The following GRM5 variants were observed in gnomAD, a reference collection of about 807,000 sequenced individuals.
The protein encoded by GRM5 is glutamate metabotropic receptor 5, also known as metabotropic glutamate receptor 5.
GRM5 carries 19 observed loss-of-function variants against 83.1 expected under a neutral mutation model. The observed-to-expected ratio is 0.23, with a 90% confidence interval of 0.16 to 0.34. GRM5 has a LOEUF of 0.34. Ranked by LOEUF, GRM5 falls within the 10% of genes least tolerant of loss-of-function variation. The pLI is 1.00. For missense variants in GRM5, 1,160 were observed against 1,588.3 expected, an observed-to-expected ratio of 0.73 and a Z score of 4.58; for synonymous variants, 675 against 633.6, an observed-to-expected ratio of 1.07 and a Z score of -0.98.
chr11:88,669,563 TAGATATACTACAGA>T (rs1940140593), intron 3 of GRM5, among the ~76,000 whole-genome samples: 4 of 152,076 alleles, frequency 2.6e-5, no homozygotes, highest in African/African-American at 9.6e-5. Flanking sequence ...AAATAATCTA[TAGATATACTACAGA>T]TACACTATTA....
chr11:88,884,998 T>C (rs1945018385), intron 2 of GRM5, among the ~76,000 whole-genome samples: 1 of 152,178 alleles, frequency 6.6e-6, no homozygotes, highest in East Asian at 1.9e-4. Context: ...TTTCCACATT[T>C]CAAAATTTCC....
intron 9 of GRM5, among the ~76,000 whole-genome samples, chr11:88,522,601 C>CTGTGTGTGTG (rs1228808793): frequency 3.2e-5 from 3 of 93,604 alleles, no homozygotes; most frequent in East Asian, 6.4e-4. Context: ...CTCTCTCTCT[C>CTGTGTGTGTG]TCTGTGTGTG....
intron 2 of GRM5, among the ~76,000 whole-genome samples, chr11:88,965,720 T>G (rs894034764): frequency 6.6e-6 from 1 of 152,088 alleles, no homozygotes; most frequent in Non-Finnish European, 1.5e-5. Context: ...AATCTTAATT[T>G]GGTATGTAGC....
chr11:88,874,577 A>G (rs1291790968), intron 2 of GRM5, among the ~76,000 whole-genome samples: 2 of 151,978 alleles, frequency 1.3e-5, no homozygotes, highest in African/African-American at 2.4e-5. Flanking sequence ...ACAAAATAAA[A>G]AGTAAACAAA....
At chr11:89,009,118 A>T in intron 2 of GRM5, 1 of 719,754 alleles carries the variant, frequency 1.4e-6, no homozygotes, top group Non-Finnish European at 2.6e-6. Flanking sequence ...AAAATAAAAA[A>T]CCTTAAGATG....
intron 3 of GRM5, among the ~76,000 whole-genome samples, chr11:88,842,974 C>T (rs1311094902): frequency 6.6e-6 from 1 of 152,180 alleles, no homozygotes; most frequent in African/African-American, 2.4e-5. Context: ...AGTAAAGGTA[C>T]TATCATTCCT....
chr11:88,652,427 A>G (rs1939655654), intron 4 of GRM5, among the ~76,000 whole-genome samples: 1 of 152,078 alleles, frequency 6.6e-6, no homozygotes, highest in Non-Finnish European at 1.5e-5. Flanking sequence ...ACATGTTACA[A>G]ATAATATTAA....
At chr11:88,773,931 G>A (rs891242966) in intron 3 of GRM5, among the ~76,000 whole-genome samples, 7 of 152,150 alleles carry the variant, frequency 4.6e-5, no homozygotes, top group Non-Finnish European at 8.8e-5. Flanking sequence ...TCTTGGCAAT[G>A]AAGGCTCTTT....
chr11:88,625,315 G>C (rs1326939709), intron 4 of GRM5, among the ~76,000 whole-genome samples: 2 of 152,052 alleles, frequency 1.3e-5, no homozygotes, highest in Non-Finnish European at 2.9e-5. Flanking sequence ...AGTGTATGAG[G>C]AAAGAGAGAA....
At chr11:88,920,819 T>C (rs1945677833) in intron 2 of GRM5, among the ~76,000 whole-genome samples, 1 of 152,146 alleles carries the variant, frequency 6.6e-6, no homozygotes, top group African/African-American at 2.4e-5. Flanking sequence ...CTATCAACCC[T>C]TGTTCTCTGA....
intron 2 of GRM5, among the ~76,000 whole-genome samples, chr11:88,948,950 A>T (rs1938369775): frequency 6.6e-6 from 1 of 152,222 alleles, no homozygotes; most frequent in South Asian, 2.1e-4. Context: ...AGAAACAAAA[A>T]ATGGTCACTT....
At chr11:89,060,948 GAATT>G (rs375509232) in intron 1 of GRM5, among the ~76,000 whole-genome samples, 122 of 152,034 alleles carry the variant, frequency 8.0e-4, no homozygotes, top group African/African-American at 2.7e-3. Context: ...AAAATGACTA[GAATT>G]AATATTTCTC....
chr11:89,055,176 T>C (rs1353039851), intron 1 of GRM5, among the ~76,000 whole-genome samples: 1 of 152,100 alleles, frequency 6.6e-6, no homozygotes, highest in African/African-American at 2.4e-5. Context: ...CATAGCAGAG[T>C]TGTTAAGAGC....
intron 2 of GRM5, among the ~76,000 whole-genome samples, chr11:88,980,158 T>C (rs1591015919): frequency 1.3e-5 from 2 of 152,342 alleles, no homozygotes; most frequent in East Asian, 3.9e-4. Context: ...AATTGCCTCC[T>C]AGTTTTATAA....
In GRM5 at chr11:88,844,719, A is replaced by G. The variant is rs548049604; in HGVS notation, c.911+5187T>C. Among the ~76,000 whole-genome samples the G allele has an allele frequency of 1.4e-4, 22 of 152,348 alleles. No homozygotes were observed. The East Asian group carries it at 3.3e-3, about 23-fold the overall frequency. On this transcript the variant is annotated intron_variant, in intron 3 of 9. Coordinates refer to ENST00000305447, the MANE Select transcript of GRM5 (RefSeq NM_001143831.3). ...TCATGAGTCATGAGAGAAGGTAAAA[A>G]TATCAGCAACAGGAGTTTGGAAGAA... is the stretch of plus-strand genomic sequence containing the variant.
At chr11:88,521,244 C>T (rs560412538) in intron 9 of GRM5, among the ~76,000 whole-genome samples, 32 of 152,136 alleles carry the variant, frequency 2.1e-4, no homozygotes, top group African/African-American at 7.2e-4. Flanking sequence ...AGTGAAACCC[C>T]GTCTCTACTA....
intron 2 of GRM5, among the ~76,000 whole-genome samples, chr11:88,914,692 C>T (rs897657367): frequency 6.6e-6 from 1 of 152,176 alleles, no homozygotes; most frequent in Non-Finnish European, 1.5e-5. Context: ...ACTTTACCAG[C>T]TTACTACAAA....
intron 3 of GRM5, among the ~76,000 whole-genome samples, chr11:88,815,564 T>C (rs985654223): frequency 1.3e-5 from 2 of 152,320 alleles, no homozygotes; most frequent in East Asian, 1.9e-4. Flanking sequence ...AGGTTCAAGA[T>C]TGGTCATCTG....
intron 3 of GRM5, among the ~76,000 whole-genome samples, chr11:88,769,295 T>C (rs1942682733): frequency 1.3e-5 from 2 of 152,036 alleles, no homozygotes; most frequent in African/African-American, 4.8e-5. Flanking sequence ...CAACTTAATA[T>C]AGATATAGAT....
Sources: allele counts gnomAD v4.1 joint callset (sites outside exome capture counted in the v4.1 genomes callset), GRCh38; gene constraint gnomAD v4.1.1; transcripts MANE v1.5; gene names NCBI Gene and HGNC (gene_info 2026-07-23, HGNC 2026-07-21).